PCDH17: variants seen among roughly 807,000 people sequenced by gnomAD.
The protein encoded by PCDH17 is protocadherin 17.
PCDH17 carries 21 observed loss-of-function variants against 67.7 expected under a neutral mutation model. The observed-to-expected ratio is 0.31, with a 90% CI of 0.22 to 0.45. PCDH17 has a LOEUF of 0.45. PCDH17 is among the 20% of genes least tolerant of loss of function. PCDH17 has a pLI of 1.00. For missense variants in PCDH17, 1,471 were observed against 1,564.8 expected (o/e 0.94, Z 1.01); for synonymous variants, 701 against 656.7 (o/e 1.07, Z -1.03).
intron 1 of PCDH17, among the ~76,000 whole-genome samples, chr13:57,661,423 T>G (rs1251515544): frequency 6.6e-6 from 1 of 152,176 alleles, no homozygotes; most frequent in African/African-American, 2.4e-5. Flanking sequence ...TAGCTTGTTT[T>G]TAAATTCTCT....
chr13:57,669,682 A>G (rs1955297247), intron 3 of PCDH17, among the ~76,000 whole-genome samples: 1 of 152,074 alleles, frequency 6.6e-6, no homozygotes, highest in Non-Finnish European at 1.5e-5. Context: ...TTTATCTTAC[A>G]TATAAAAAAT....
chr13:57,724,345 C>T (rs916782612), intron 3 of PCDH17, among the ~76,000 whole-genome samples: 25 of 152,196 alleles, frequency 1.6e-4, no homozygotes, highest in African/African-American at 6.0e-4. Flanking sequence ...CTCTATTCTA[C>T]TGAGAATGAT....
chr13:57,716,056 G>T (rs1196734181), intron 3 of PCDH17, among the ~76,000 whole-genome samples: 1 of 151,942 alleles, frequency 6.6e-6, no homozygotes, highest in Non-Finnish European at 1.5e-5. Context: ...GCCTATTCCA[G>T]TGAATCATTC....
chr13:57,662,302 A>T (rs1424291427), intron 1 of PCDH17, among the ~76,000 whole-genome samples: 5 of 152,008 alleles, frequency 3.3e-5, no homozygotes, highest in African/African-American at 9.7e-5. Flanking sequence ...TACACAGAAA[A>T]TTTTTCTGAG....
At chr13:57,683,234 T>C (rs1453569004) in intron 3 of PCDH17, among the ~76,000 whole-genome samples, 1 of 151,880 alleles carries the variant, frequency 6.6e-6, no homozygotes, top group East Asian at 1.9e-4. Context: ...TATTAACATC[T>C]TGACTGGGAG....
At chr13:57,667,758 A>T (rs184016734) in intron 3 of PCDH17, among the ~76,000 whole-genome samples, 24 of 69,664 alleles carry the variant, frequency 3.4e-4, no homozygotes, top group African/African-American at 1.3e-3. Context: ...CCTGTAGGGC[A>T]GCCTGTTCTA....
chr13:57,663,663 C>G (rs1019975028), intron 1 of PCDH17, among the ~76,000 whole-genome samples: 7 of 152,204 alleles, frequency 4.6e-5, no homozygotes, highest in African/African-American at 1.7e-4. Flanking sequence ...CACAATCTCT[C>G]ATTCCTATCT....
In PCDH17 at chr13:57,642,633, A is replaced by C. The variant is rs1954919399; in HGVS notation, c.2565+7522A>C. Among the ~76,000 whole-genome samples the C allele has an allele frequency of 2.0e-5, 3 of 151,670 alleles. No homozygotes were observed. In the South Asian group the frequency reaches 6.2e-4, roughly 31 times the overall value. ...GAATTGTTACATCTCATTATCTAGG[A>C]TTTCCACCTAAATACTTAACAGATG... On this transcript the variant is annotated intron_variant, in intron 1 of 3. Transcript: ENST00000377918.
At chr13:57,681,698 TTAA>T (rs1225183264) in intron 3 of PCDH17, among the ~76,000 whole-genome samples, 1 of 151,784 alleles carries the variant, frequency 6.6e-6, no homozygotes, top group Admixed American at 6.6e-5. Flanking sequence ...GCTTAGCTTA[TTAA>T]TATATAGCCA....
chr13:57,657,429 C>A (rs1955120023), intron 1 of PCDH17, among the ~76,000 whole-genome samples: 1 of 152,290 alleles, frequency 6.6e-6, no homozygotes, highest in East Asian at 1.9e-4. Flanking sequence ...ATACTTCATA[C>A]ACTTTAAAAA....
Position 57,634,551 on chromosome 13 carries a change from G to A in PCDH17, c.2005G>A (p.Gly669Ser). 6.2e-7 allele frequency: 1 copy of A among 1,613,004 alleles called. No individual in the cohort carries two copies. Among genetic ancestry groups the A allele is most frequent in the Non-Finnish European group, 8.5e-7 (1 of 1,179,986 alleles). Residue 669 changes from glycine (G) to serine (S), a missense_variant, in exon 1 of 4, where the codon GGC becomes AGC. By Grantham distance (56) the Gly-to-Ser change is moderately conservative. Around this residue, in one of 3 missense-constraint regions of PCDH17, gnomAD observed 1,163 missense variants for 1,230.0 expected, o/e 0.95. Transcript: ENST00000377918. The surrounding 1 kb of genome is among the most constrained non-coding windows in gnomAD (Gnocchi z 7.8). The part of the protein sequence containing the change: ...VELVVKVTDH[G>S]KPTLSAVAKL... ...GCTGGTGGTGAAGGTGACCGACCAC[G>A]GCAAGCCTACCCTGTCCGCAGTGGC...
chr13:57,636,256 G>A (rs536287587), intron 1 of PCDH17, among the ~76,000 whole-genome samples: 153 of 152,150 alleles, frequency 1.0e-3, no homozygotes, highest in Non-Finnish European at 1.8e-3. Flanking sequence ...AGCAGTATGT[G>A]GAATTCAAAA....
At chr13:57,708,697 C>T (rs962674377) in intron 3 of PCDH17, among the ~76,000 whole-genome samples, 4 of 152,052 alleles carry the variant, frequency 2.6e-5, no homozygotes, top group Middle Eastern at 3.4e-3. Flanking sequence ...AATTGTTCAA[C>T]CTGTTTTACC....
chr13:57,699,602 C>T (rs146565881), intron 3 of PCDH17, among the ~76,000 whole-genome samples: 8 of 151,468 alleles, frequency 5.3e-5, no homozygotes, highest in South Asian at 4.2e-4. Context: ...TTTTACAAGG[C>T]GTGTTTTTAT....
At chr13:57,694,510 A>T (rs1468598368) in intron 3 of PCDH17, among the ~76,000 whole-genome samples, 1 of 151,246 alleles carries the variant, frequency 6.6e-6, no homozygotes, top group African/African-American at 2.4e-5. Flanking sequence ...ATTAGGGAAC[A>T]TTCTTTACTT....
At chr13:57,648,029 T>G (rs1275745187) in intron 1 of PCDH17, among the ~76,000 whole-genome samples, 1 of 151,956 alleles carries the variant, frequency 6.6e-6, no homozygotes, top group Admixed American at 6.6e-5. Context: ...CCATTGAGTC[T>G]CAGTGAACTT....
At chr13:57,721,836 A>G (rs769583974) in intron 3 of PCDH17, among the ~76,000 whole-genome samples, 13 of 151,500 alleles carry the variant, frequency 8.6e-5, no homozygotes, top group Non-Finnish European at 1.8e-4. Flanking sequence ...CCAGTCATTC[A>G]TTGTATATTA....
intron 3 of PCDH17, among the ~76,000 whole-genome samples, chr13:57,686,746 G>A (rs1955511269): frequency 6.6e-6 from 1 of 151,924 alleles, no homozygotes; most frequent in African/African-American, 2.4e-5. Flanking sequence ...AGTTGCTAAT[G>A]GTGTTAAACT....
intron 3 of PCDH17, among the ~76,000 whole-genome samples, chr13:57,689,340 G>A (rs78709942): frequency 8.2e-4 from 124 of 152,048 alleles, no homozygotes; most frequent in Middle Eastern, 3.4e-3. Context: ...ATATTGAATC[G>A]AAAGCACAAA....
Sources: allele counts gnomAD v4.1 joint callset (sites outside exome capture counted in the v4.1 genomes callset), GRCh38; gene constraint gnomAD v4.1.1; regional missense constraint gnomAD v4.1.1; non-coding constraint Gnocchi (gnomAD v3.1); transcripts MANE v1.5; gene names NCBI Gene and HGNC (gene_info 2026-07-23, HGNC 2026-07-21).